Variants in ELMO1 observed in about 807,000 individuals in gnomAD.
ELMO1 encodes engulfment and cell motility protein 1.
A neutral mutation model predicts 98.9 loss-of-function variants in ELMO1; 26 were observed. The ratio of observed to expected loss-of-function variants is 0.26; its 90% CI spans 0.19 to 0.36. The LOEUF (loss-of-function observed/expected upper bound fraction) is 0.36, where lower values mean the gene tolerates loss of function less well. ELMO1 is among the 10% of genes least tolerant of loss of function. The pLI is 1.00. For missense variants in ELMO1, 627 were observed against 935.2 expected (o/e 0.67, Z 4.30); for synonymous variants, 346 against 346.0 (o/e 1.00, Z 0.00).
rs139136606 is a variant in ELMO1, at chr7:36,906,340, A to G, written c.1438-11323T>C. 3.5e-4 allele frequency among the ~76,000 whole-genome samples: 54 copies of G among 152,374 alleles called. 1 individual carries two copies. Among genetic ancestry groups the G allele is most frequent in the African/African-American group, 1.3e-3 (53 of 41,586 alleles). ...CTTTTAGCACAGATCAAACTGTGTC[A>G]TATTTTAAGTGGCCCATTCTTTGTT... On this transcript the variant is annotated intron_variant, in intron 16 of 21. Coordinates refer to ENST00000310758, the MANE Select transcript of ELMO1 (RefSeq NM_014800.11).
intron 14 of ELMO1, among the ~76,000 whole-genome samples, chr7:37,103,293 T>C (rs771642412): frequency 6.6e-6 from 1 of 152,220 alleles, no homozygotes; most frequent in African/African-American, 2.4e-5. Flanking sequence ...TTATTAATCT[T>C]GCTTTTTTTG....
At chr7:37,109,152 T>C (rs1219453193) in intron 14 of ELMO1, among the ~76,000 whole-genome samples, 1 of 152,088 alleles carries the variant, frequency 6.6e-6, no homozygotes, top group African/African-American at 2.4e-5. Flanking sequence ...ACTCTCTGCA[T>C]TGAAGCATGT....
At chr7:37,002,450 G>A (rs1244222919) in intron 16 of ELMO1, among the ~76,000 whole-genome samples, 2 of 152,190 alleles carry the variant, frequency 1.3e-5, no homozygotes, top group South Asian at 2.1e-4. Context: ...AGAAGAGGAA[G>A]ACAGAAACTG....
intron 13 of ELMO1, among the ~76,000 whole-genome samples, chr7:37,152,118 A>T (rs972193727): frequency 6.6e-6 from 1 of 152,238 alleles, no homozygotes; most frequent in South Asian, 2.1e-4. Flanking sequence ...GATGGAGTCA[A>T]AAACTACTAT....
At chr7:37,030,367 T>C (rs1039715429) in intron 15 of ELMO1, among the ~76,000 whole-genome samples, 1 of 152,138 alleles carries the variant, frequency 6.6e-6, no homozygotes, top group Non-Finnish European at 1.5e-5. Context: ...TTTTTTCCTC[T>C]CCCCTGACAA....
chr7:37,398,980 C>T (rs1050605216), intron 1 of ELMO1, among the ~76,000 whole-genome samples: 5 of 152,204 alleles, frequency 3.3e-5, no homozygotes, highest in African/African-American at 7.2e-5. Flanking sequence ...ACCAGCCCAA[C>T]GAGCCAATGC....
chr7:36,951,599 G>A (rs1787973812), intron 16 of ELMO1, among the ~76,000 whole-genome samples: 1 of 152,120 alleles, frequency 6.6e-6, no homozygotes, highest in South Asian at 2.1e-4. Flanking sequence ...TCTGGGATAG[G>A]GTCTGAGAAT....
intron 4 of ELMO1, among the ~76,000 whole-genome samples, chr7:37,287,959 GTTTA>G (rs767800151): frequency 7.9e-5 from 12 of 151,714 alleles, no homozygotes; most frequent in Non-Finnish European, 1.0e-4. Context: ...CCTTTTTTTT[GTTTA>G]TTTGTTTGTT....
At chr7:37,050,215 A>G (rs887686846) in intron 15 of ELMO1, among the ~76,000 whole-genome samples, 2 of 152,102 alleles carry the variant, frequency 1.3e-5, no homozygotes, top group African/African-American at 4.8e-5. Flanking sequence ...AGTAGCTGGG[A>G]CAACACACCA....
intron 4 of ELMO1, among the ~76,000 whole-genome samples, chr7:37,277,848 G>A (rs1796928593): frequency 6.6e-6 from 1 of 152,202 alleles, no homozygotes; most frequent in African/African-American, 2.4e-5. Flanking sequence ...TGTCTTTACT[G>A]GCATAACTTT....
At chr7:37,319,868 A>AT (rs1233663800) in intron 2 of ELMO1, among the ~76,000 whole-genome samples, 15 of 151,488 alleles carry the variant, frequency 9.9e-5, no homozygotes, top group Admixed American at 2.6e-4. Flanking sequence ...CACATCTCCA[A>AT]TTTTTTTTTC....
At chr7:37,303,369 A>G (rs1302504660) in intron 4 of ELMO1, among the ~76,000 whole-genome samples, 1 of 152,176 alleles carries the variant, frequency 6.6e-6, no homozygotes, top group East Asian at 1.9e-4. Flanking sequence ...TCGATATTTC[A>G]TTTACCCATG....
intron 16 of ELMO1, among the ~76,000 whole-genome samples, chr7:36,964,865 C>T (rs566649357): frequency 5.3e-5 from 8 of 152,126 alleles, no homozygotes; most frequent in Admixed American, 3.3e-4. Flanking sequence ...TAATAATAAA[C>T]AATTAAACCA....
chr7:37,190,356 GAT>G (rs1791489860), intron 13 of ELMO1, among the ~76,000 whole-genome samples: 1 of 152,098 alleles, frequency 6.6e-6, no homozygotes, highest in South Asian at 2.1e-4. Context: ...TTTCTACAGG[GAT>G]ATGTTTTTTA....
rs117274453 is a variant in ELMO1, at chr7:36,913,876, A to G, written c.1438-18859T>C. 2.2e-3 allele frequency among the ~76,000 whole-genome samples: 330 copies of G among 152,346 alleles called. 2 individuals carry two copies. The highest frequency in any genetic ancestry group is 6.8e-3 in the Middle Eastern group (2 of 294). ...GGGTAGGATCTTTGACAGTCTCTCA[A>G]TATAGGACTTGGTAGTTCAGAGATT... On this transcript the variant is annotated intron_variant, in intron 16 of 21. Coordinates refer to ENST00000310758, the MANE Select transcript of ELMO1 (RefSeq NM_014800.11).
intron 15 of ELMO1, among the ~76,000 whole-genome samples, chr7:37,041,478 T>G (rs1584553606): frequency 6.6e-6 from 1 of 152,266 alleles, no homozygotes; most frequent in South Asian, 2.1e-4. Context: ...ACACACACGT[T>G]TATCAGGAGT....
Position 37,259,364 on chromosome 7 carries a change from A to G in ELMO1, c.244-14T>C, listed in dbSNP as rs775169029. ...GGCGTTCTGAGCCTTATGGGGCAAA[A>G]GCAAAGGGAAGAGTGTTGACAAACG... On this transcript the variant is annotated splice_polypyrimidine_tract_variant and intron_variant, in intron 5 of 21. Coordinates refer to ENST00000310758, the MANE Select transcript of ELMO1 (RefSeq NM_014800.11). 3.7e-6 allele frequency: 6 copies of G among 1,611,176 alleles called. No homozygotes were observed. The highest frequency in any genetic ancestry group is 4.5e-5 in the East Asian group (2 of 44,814).
In ELMO1 at chr7:37,244,338, T is replaced by C. The variant is rs1794895461; in HGVS notation, c.449+18A>G. On this transcript the variant is annotated intron_variant, in intron 7 of 21. Coordinates refer to ENST00000310758, the MANE Select transcript of ELMO1 (RefSeq NM_014800.11). ...GGAAGGGTTAAATCATCAATATCAA[T>C]CGATCAAATATTCTTACCAAGGCTT... The C allele has an allele frequency of 6.2e-7, 1 of 1,611,634 alleles. No individual in the cohort carries two copies. The highest frequency in any genetic ancestry group is 8.5e-7 in the Non-Finnish European group (1 of 1,179,370).
intron 16 of ELMO1, among the ~76,000 whole-genome samples, chr7:36,911,028 C>T (rs1008493831): frequency 6.6e-6 from 1 of 152,222 alleles, no homozygotes; most frequent in African/African-American, 2.4e-5. Flanking sequence ...GATGTTGCTA[C>T]TGTCCCTGGT....
Sources: gnomAD v4.1 joint callset for allele counts (sites outside exome capture counted in the v4.1 genomes callset) on GRCh38, gnomAD v4.1.1 for gene constraint, MANE v1.5 for transcripts, NCBI Gene and HGNC (gene_info 2026-07-23, HGNC 2026-07-21) for gene names.